Variants in FAM20A observed in about 807,000 individuals in gnomAD.
FAM20A encodes FAM20A golgi associated secretory pathway pseudokinase, also known as pseudokinase FAM20A.
A neutral mutation model predicts 52.0 loss-of-function variants in FAM20A; 42 were observed. The observed-to-expected ratio is 0.81, with a 90% CI of 0.63 to 1.04. The LOEUF (loss-of-function observed/expected upper bound fraction) is 1.04. Among genes scored for constraint, FAM20A ranks in the 50% least tolerant of loss-of-function variants. The probability of loss-of-function intolerance (pLI) is 0.00; values close to 1 mark genes in which losing one functional copy is unlikely to be tolerated. For missense variants in FAM20A, 742 were observed against 712.7 expected (o/e 1.04, Z -0.47); for synonymous variants, 304 against 298.9 (o/e 1.02, Z -0.18).
intron 3 of FAM20A, among the ~76,000 whole-genome samples, 200 bp downstream of exon 3, chr17:68,554,577 C>G (rs1455542985): frequency 6.6e-6 from 1 of 152,174 alleles, no homozygotes. Context: ...CACGCATTGC[C>G]CAGCGGGGCC....
chr17:68,596,420 A>C (rs192360380), intron 1 of FAM20A, among the ~76,000 whole-genome samples: 1 of 152,346 alleles, frequency 6.6e-6, no homozygotes, highest in East Asian at 1.9e-4. Flanking sequence ...ATATGTGGCC[A>C]AAAGGCCAAT....
At chr17:68,553,341 T>G (rs749669526) in intron 3 of FAM20A, among the ~76,000 whole-genome samples, 5 of 152,198 alleles carry the variant, frequency 3.3e-5, no homozygotes, top group Non-Finnish European at 7.3e-5. Context: ...ACCTCTTTCC[T>G]TTATAAATTA....
At position 68,552,665 on chromosome 17, in the gene FAM20A, C is replaced by CAAACCTTAGTGATATGGTTAGG. The variant is rs1568739140; in HGVS notation, c.641-715_641-714insCCTAACCATATCACTAAGGTTT. ...CTGGAGCCCTGTAAACCTTTATTTT[C>CAAACCTTAGTGATATGGTTAGG]CTTTTTTTTTTTTTTTTTTTTTTTT... On this transcript the variant is annotated intron_variant, in intron 3 of 10. Transcript: ENST00000592554. 8.0e-4 allele frequency among the ~76,000 whole-genome samples: 88 copies of CAAACCTTAGTGATATGGTTAGG among 109,984 alleles called. 4 individuals are homozygous for CAAACCTTAGTGATATGGTTAGG. Among genetic ancestry groups the CAAACCTTAGTGATATGGTTAGG allele is most frequent in the South Asian group, 3.4e-3 (11 of 3,210 alleles). 72.2% of individuals were successfully genotyped at this position (109,984 alleles called of 152,430 possible). A position where few individuals can be genotyped will look rare whatever the true frequency, so the allele number is the denominator to read the frequency against.
chr17:68,571,600 C>T (rs1191025826), intron 1 of FAM20A, among the ~76,000 whole-genome samples: 1 of 152,178 alleles, frequency 6.6e-6, no homozygotes, highest in Admixed American at 6.5e-5. Flanking sequence ...TTAAATCTTG[C>T]ATCTGTTTGA....
At chr17:68,575,480 A>T (rs991299370) in intron 1 of FAM20A, among the ~76,000 whole-genome samples, 1 of 115,948 alleles carries the variant, frequency 8.6e-6, no homozygotes, top group Non-Finnish European at 1.7e-5. Context: ...TATATTTTAT[A>T]TATTATATAT....
At chr17:68,564,516 C>T (rs1355645018) in intron 1 of FAM20A, among the ~76,000 whole-genome samples, 2 of 152,186 alleles carry the variant, frequency 1.3e-5, no homozygotes, top group Middle Eastern at 3.2e-3. Context: ...GTATGTCATA[C>T]TTGCATTAGA....
intron 1 of FAM20A, chr17:68,582,494 C>T (rs1198939165): frequency 1.3e-5 from 2 of 152,220 alleles, no homozygotes; most frequent in Admixed American, 6.5e-5. Flanking sequence ...TCATCATCCA[C>T]CCAAACATCA....
At chr17:68,579,029 A>T (rs2087865050) in intron 1 of FAM20A, among the ~76,000 whole-genome samples, 1 of 150,950 alleles carries the variant, frequency 6.6e-6, no homozygotes, top group African/African-American at 2.4e-5. Context: ...AAAAAAAAAA[A>T]CATGTCTAGG....
rs1598033119 is a variant in FAM20A, at chr17:68,559,345, C to T, written c.405-3602G>A. Among the ~76,000 whole-genome samples the T allele has an allele frequency of 3.9e-5, 6 of 152,290 alleles. No individual in the cohort carries two copies. In the East Asian group the frequency reaches 1.2e-3, roughly 29 times the overall value. ...CTTTTATTTTCCCTCAAAAGCCATG[C>T]CATAGTATTGCCTTCTATTTGTGTT... On this transcript the variant is annotated intron_variant, in intron 1 of 10. Coordinates refer to ENST00000592554, the MANE Select transcript of FAM20A (RefSeq NM_017565.4).
At chr17:68,599,701 A>G (rs1013637728) in intron 1 of FAM20A, among the ~76,000 whole-genome samples, 4 of 152,212 alleles carry the variant, frequency 2.6e-5, no homozygotes, top group African/African-American at 9.6e-5. Context: ...TTCCTGCCTC[A>G]GATGACCCCC....
intron 1 of FAM20A, among the ~76,000 whole-genome samples, chr17:68,591,589 A>G (rs1249139470): frequency 6.6e-6 from 1 of 152,260 alleles, no homozygotes; most frequent in Non-Finnish European, 1.5e-5. Context: ...TGATAGAGAC[A>G]GGAGACAGCT....
At chr17:68,584,788 G>A (rs2088121534) in intron 1 of FAM20A, among the ~76,000 whole-genome samples, 3 of 152,206 alleles carry the variant, frequency 2.0e-5, no homozygotes, top group Non-Finnish European at 4.4e-5. Context: ...AAAAAGAGCT[G>A]CTGCGGACCA....
At chr17:68,561,120 G>A (rs1183730829) in intron 1 of FAM20A, among the ~76,000 whole-genome samples, 1 of 152,132 alleles carries the variant, frequency 6.6e-6, no homozygotes, top group Non-Finnish European at 1.5e-5. Context: ...TTTTTAAAAT[G>A]CAGAAATGTT....
intron 1 of FAM20A, among the ~76,000 whole-genome samples, chr17:68,596,762 CTGGCGT>C (rs1441331352): frequency 6.6e-6 from 1 of 152,200 alleles, no homozygotes; most frequent in Non-Finnish European, 1.5e-5. Context: ...TTGATGGAGC[CTGGCGT>C]TGGCTGGCTG....
In FAM20A at chr17:68,537,412, G is replaced by C. The variant is rs1568715134; in HGVS notation, c.*65C>G. On this transcript the variant is annotated 3_prime_UTR_variant, in exon 11 of 11. Transcript: ENST00000592554. This position sits in a 1 kb window ranked among gnomAD's most constrained non-coding sequence, Gnocchi z 4.2. ...GTAACAGGTGGGAGTGAGGACGCAG[G>C]GTCGGCACTCGAGTCGACTGCTCTG... 1.2e-6 allele frequency: 2 copies of C among 1,602,464 alleles called. No individual in the cohort carries two copies. Among genetic ancestry groups the C allele is most frequent in the African/African-American group, 2.7e-5 (2 of 74,662 alleles).
At chr17:68,541,453 C>A in intron 7 of FAM20A, 1 of 191,758 alleles carries the variant, frequency 5.2e-6, no homozygotes, top group Non-Finnish European at 1.1e-5. Context: ...TCCAGAAATT[C>A]TGCCTGGTTA....
chr17:68,573,480 TCTTTCTTTC>T (rs1452505379), intron 1 of FAM20A, among the ~76,000 whole-genome samples: 1 of 146,576 alleles, frequency 6.8e-6, no homozygotes, highest in Non-Finnish European at 1.5e-5. Flanking sequence ...TCTTTCTCTT[TCTTTCTTTC>T]CTTTCTTTCT....
intron 1 of FAM20A, among the ~76,000 whole-genome samples, chr17:68,596,222 C>CA (rs1567754000): frequency 1.3e-5 from 2 of 150,928 alleles, no homozygotes; most frequent in Non-Finnish European, 3.0e-5. Context: ...CACACACACA[C>CA]CCCTAAGAAA....
chr17:68,584,752 A>T lies in FAM20A; in HGVS notation c.404+15511T>A, dbSNP rs60770071. 7.0e-3 allele frequency among the ~76,000 whole-genome samples: 1,072 copies of T among 152,348 alleles called. 9 individuals carry two copies. The highest frequency in any genetic ancestry group is 0.024 in the African/African-American group (994 of 41,572). On this transcript the variant is annotated intron_variant, in intron 1 of 10. Transcript: ENST00000592554. ...AATATCATAAACTGCAAGCAGCCTT[A>T]ACAGACCACTGTCTTCACAACTGCC...
Sources: gnomAD v4.1 joint callset for allele counts (sites outside exome capture counted in the v4.1 genomes callset) on GRCh38, gnomAD v4.1.1 for gene constraint, Gnocchi (gnomAD v3.1) non-coding constraint, MANE v1.5 for transcripts, NCBI Gene and HGNC (gene_info 2026-07-23, HGNC 2026-07-21) for gene names.